SPG11: variants seen among roughly 807,000 people sequenced by gnomAD.
SPG11 encodes the protein spatacsin.
SPG11 carries 222 observed loss-of-function variants against 274.0 expected under a neutral mutation model. The ratio of observed to expected loss-of-function variants is 0.81; its 90% CI spans 0.73 to 0.91. The LOEUF (loss-of-function observed/expected upper bound fraction) is 0.91, where lower values mean the gene tolerates loss of function less well. SPG11 is among the 40% of genes least tolerant of loss of function. SPG11 has a pLI of 0.00. For missense variants in SPG11, 3,114 were observed against 2,872.7 expected (o/e 1.08, Z -1.92); for synonymous variants, 1,144 against 1,039.7 (o/e 1.10, Z -1.93).
intron 19 of SPG11, among the ~76,000 whole-genome samples, chr15:44,606,848 A>G (rs1356311049): frequency 6.6e-6 from 1 of 152,202 alleles, no homozygotes; most frequent in Non-Finnish European, 1.5e-5. Context: ...CAGAACAAAG[A>G]GCAACATGAA....
rs1040889072 is a variant in SPG11 at position 44,652,190 on chromosome 15, C to A, written c.946G>T (p.Asp316Tyr). 6.2e-7 allele frequency: 1 copy of A among 1,614,024 alleles called. No homozygotes were observed. Among genetic ancestry groups the A allele is most frequent in the Non-Finnish European group, 8.5e-7 (1 of 1,180,016 alleles). ...TTGTAGGCAGAGTTAACAGGATCAT[C>A]TTCATCTACGCCCTTAGGTCCTTGA... ...PIQGPKGVDE[D>Y]DPVNSAYNMK... Residue 316 changes from aspartate to tyrosine, a missense_variant, in exon 5 of 40, where the codon GAT becomes TAT. By Grantham distance (160) the Asp-to-Tyr change is radical. Coordinates refer to ENST00000261866, the MANE Select transcript of SPG11 (RefSeq NM_025137.4).
intron 28 of SPG11, 62 bp downstream of exon 28, chr15:44,589,190 G>A (rs955327863): frequency 2.3e-5 from 36 of 1,566,728 alleles, no homozygotes; most frequent in Non-Finnish European, 3.1e-5. Flanking sequence ...CCCCTCTAAA[G>A]TATTTTCAAG....
chr15:44,635,475 G>A (rs955049878), intron 7 of SPG11, among the ~76,000 whole-genome samples: 14 of 151,536 alleles, frequency 9.2e-5, no homozygotes, highest in South Asian at 8.3e-4. Flanking sequence ...GTGTGGTGGC[G>A]CACACCTGTA....
intron 28 of SPG11, chr15:44,588,714 G>A: frequency 2.5e-6 from 1 of 393,370 alleles, no homozygotes; most frequent in Non-Finnish European, 5.2e-6. Flanking sequence ...TACTCATGTG[G>A]TCCTAAGACC....
chr15:44,574,831 G>A (rs1255159681), intron 31 of SPG11, 71 bp downstream of exon 31: 1 of 1,584,172 alleles, frequency 6.3e-7, no homozygotes, highest in East Asian at 2.2e-5. Context: ...ACTTGGCAAT[G>A]TCCAAAATCA....
In SPG11 at chr15:44,598,574, C is replaced by A. The variant is rs564788803; in HGVS notation, c.3892+57G>T. 2.2e-4 allele frequency: 332 copies of A among 1,517,892 alleles called. 1 individual carries two copies. Among genetic ancestry groups the A allele is most frequent in the South Asian group, 4.0e-4 (36 of 89,060 alleles). The allele number at this position is 1,517,892 out of a possible 1,614,324, so 94.0% of individuals were successfully genotyped here. On this transcript the variant is annotated intron_variant, in intron 22 of 39. Coordinates refer to ENST00000261866, the MANE Select transcript of SPG11 (RefSeq NM_025137.4). ...CTCCCCAAACACTCACAATTCAATG[C>A]CTTAGACCTCGTCACACCTTCTCTA...
intron 1 of SPG11, among the ~76,000 whole-genome samples, chr15:44,663,180 G>A (rs149493306): frequency 1.5e-3 from 225 of 152,372 alleles, no homozygotes; most frequent in Admixed American, 4.8e-3. Context: ...GGAGAGCTGG[G>A]CTGCCAGAAT....
chr15:44,651,963 T>C, intron 5 of SPG11, 24 bp from the exon 6 acceptor site: 1 of 1,598,052 alleles, frequency 6.3e-7, no homozygotes, highest in Non-Finnish European at 8.5e-7. Flanking sequence ...AAAATATAAC[T>C]TAACACCTGT....
intron 27 of SPG11, chr15:44,590,659 G>C (rs912200022): frequency 1.3e-5 from 2 of 152,124 alleles, no homozygotes; most frequent in African/African-American, 4.8e-5. Flanking sequence ...TTGGTTCTCA[G>C]TCACTATAGT....
chr15:44,638,994 C>CA (rs200325198), intron 7 of SPG11, among the ~76,000 whole-genome samples: 4,689 of 138,038 alleles, frequency 0.034, 269 homozygotes, highest in African/African-American at 0.12. Context: ...AGACTGTCTC[C>CA]AAAAAAAAAA....
At chr15:44,627,471 AT>A (rs1165927889) in intron 10 of SPG11, among the ~76,000 whole-genome samples, 1 of 152,188 alleles carries the variant, frequency 6.6e-6, no homozygotes, top group Non-Finnish European at 1.5e-5. Context: ...AAAATCAGTG[AT>A]TTTGAGTAAA....
Position 44,606,634 on chromosome 15 carries a change from T to G in SPG11, c.3454-543A>C, listed in dbSNP as rs775373693. ...GCAGCAAGTAGTGGTTGTTTGGAATTTTTCTAGGCCAAATGTTTAGCAAAG... is the reference window on the plus strand; with the variant it reads ...GCAGCAAGTAGTGGTTGTTTGGAATGTTTCTAGGCCAAATGTTTAGCAAAG... On this transcript the variant is annotated intron_variant, in intron 19 of 39. Coordinates refer to ENST00000261866, the MANE Select transcript of SPG11 (RefSeq NM_025137.4). 8.5e-5 allele frequency among the ~76,000 whole-genome samples: 13 copies of G among 152,140 alleles called. 1 individual carries two copies. The highest frequency in any genetic ancestry group is 1.6e-4 in the Non-Finnish European group (11 of 68,018).
At chr15:44,584,598 TA>T in intron 29 of SPG11, 40 bp from the exon 30 acceptor site, 1 of 1,596,912 alleles carries the variant, frequency 6.3e-7, no homozygotes, top group Non-Finnish European at 8.5e-7. Flanking sequence ...CTTTCTTGGA[TA>T]AAAAAGTATC....
chr15:44,605,794 C>A (rs563780069), intron 20 of SPG11, among the ~76,000 whole-genome samples: 4 of 152,240 alleles, frequency 2.6e-5, no homozygotes, highest in Admixed American at 2.6e-4. Context: ...GAAATATAAG[C>A]AAATAGTTAC....
Position 44,598,853 on chromosome 15 carries a change from T to A in SPG11, c.3687-17A>T. 6.2e-7 allele frequency: 1 copy of A among 1,610,980 alleles called. No individual in the cohort carries two copies. Among genetic ancestry groups the A allele is most frequent in the Non-Finnish European group, 8.5e-7 (1 of 1,177,304 alleles). On this transcript the variant is annotated splice_polypyrimidine_tract_variant and intron_variant, in intron 21 of 39. Coordinates refer to ENST00000261866, the MANE Select transcript of SPG11 (RefSeq NM_025137.4). ...TGCTGGATCCTGAAAAAGAAAGGAATCAAAATCACATCAGCACATGAAAAT... is the reference window on the plus strand; with the variant it reads ...TGCTGGATCCTGAAAAAGAAAGGAAACAAAATCACATCAGCACATGAAAAT...
intron 20 of SPG11, 108 bp from the exon 21 acceptor site, chr15:44,600,740 C>A: frequency 3.3e-6 from 4 of 1,198,684 alleles, no homozygotes; most frequent in Non-Finnish European, 4.9e-6. Flanking sequence ...AATTATTTTG[C>A]ATCACTACGT....
rs1368361887 is a variant in SPG11 at position 44,593,186 on chromosome 15, T to G, written c.4636-748A>C. On this transcript the variant is annotated intron_variant, in intron 26 of 39. Transcript: ENST00000261866. ...TTCCACTAGATGGTGCTATGACACC[T>G]TTATTATTATTTTTTATTATTTTTT... Among the ~76,000 whole-genome samples the G allele has an allele frequency of 4.6e-5, 7 of 152,218 alleles. No individual in the cohort carries two copies. The East Asian group carries it at 1.4e-3, about 29-fold the overall frequency.
At chr15:44,632,818 T>C (rs2084111741) in intron 8 of SPG11, among the ~76,000 whole-genome samples, 1 of 152,144 alleles carries the variant, frequency 6.6e-6, no homozygotes, top group African/African-American at 2.4e-5. Flanking sequence ...AAAATTCTTA[T>C]AACAAATCCT....
chr15:44,604,985 A>ATTTACTTTGTG (rs1300059209), intron 20 of SPG11, among the ~76,000 whole-genome samples: 1 of 147,940 alleles, frequency 6.8e-6, no homozygotes, highest in East Asian at 2.0e-4. Flanking sequence ...TAACAGTTTC[A>ATTTACTTTGTG]TTTACTTTGT....
Sources: allele counts gnomAD v4.1 joint callset (sites outside exome capture counted in the v4.1 genomes callset), GRCh38; gene constraint gnomAD v4.1.1; transcripts MANE v1.5; gene names NCBI Gene and HGNC (gene_info 2026-07-23, HGNC 2026-07-21).